STX8: variants seen among roughly 807,000 people sequenced by gnomAD.
The protein encoded by STX8 is syntaxin-8.
In STX8, 23 loss-of-function variants were observed where a neutral mutation model predicts 37.5. The observed-to-expected ratio is 0.61, with a 90% confidence interval of 0.44 to 0.87. The LOEUF is 0.87. STX8 is among the 40% of genes least tolerant of loss of function. The pLI is 0.00. For missense variants in STX8, 313 were observed against 284.7 expected (o/e 1.10, Z -0.71); for synonymous variants, 115 against 99.1 (o/e 1.16, Z -0.95).
intron 7 of STX8, among the ~76,000 whole-genome samples, chr17:9,267,684 A>G (rs186114691): frequency 7.2e-5 from 11 of 152,274 alleles, no homozygotes; most frequent in Admixed American, 5.2e-4. Context: ...CTGTATACCT[A>G]TATGTATAAA....
chr17:9,544,858 G>T (rs1906436229), intron 4 of STX8, among the ~76,000 whole-genome samples: 1 of 152,122 alleles, frequency 6.6e-6, no homozygotes. Context: ...CGGGCACGGT[G>T]GCGGTGGGCG....
chr17:9,378,341 CAAAA>C (rs1416104428), intron 7 of STX8: 5 of 483,870 alleles, frequency 1.0e-5, no homozygotes, highest in Non-Finnish European at 1.1e-5. Context: ...AAAACAACAA[CAAAA>C]AAACAATGAA....
At chr17:9,572,261 C>A (rs1331372346) in intron 1 of STX8, among the ~76,000 whole-genome samples, 2 of 152,144 alleles carry the variant, frequency 1.3e-5, no homozygotes, top group African/African-American at 2.4e-5. Flanking sequence ...TGTTAAACAG[C>A]GAGCTTACCA....
At chr17:9,481,688 T>G (rs1906493483) in intron 6 of STX8, among the ~76,000 whole-genome samples, 1 of 152,000 alleles carries the variant, frequency 6.6e-6, no homozygotes, top group African/African-American at 2.4e-5. Flanking sequence ...CCAACACCAG[T>G]CCATGGCCTG....
intron 7 of STX8, among the ~76,000 whole-genome samples, chr17:9,270,162 T>C (rs977317023): frequency 4.6e-5 from 7 of 152,224 alleles, no homozygotes; most frequent in African/African-American, 1.2e-4. Context: ...TTTTTGTTGA[T>C]TGGATAGCAG....
At chr17:9,547,774 TTTC>T (rs1249386571) in intron 3 of STX8, among the ~76,000 whole-genome samples, 1 of 125,034 alleles carries the variant, frequency 8.0e-6, no homozygotes, top group Admixed American at 7.3e-5. Flanking sequence ...TTCCTTTTCT[TTTC>T]TTTTCTTTTT....
intron 6 of STX8, among the ~76,000 whole-genome samples, chr17:9,410,836 T>C (rs946982719): frequency 2.6e-5 from 4 of 152,176 alleles, no homozygotes; most frequent in Non-Finnish European, 5.9e-5. Flanking sequence ...AAATGTAACA[T>C]ACGAAGAGAA....
intron 7 of STX8, among the ~76,000 whole-genome samples, chr17:9,339,090 A>G (rs1204204709): frequency 6.6e-6 from 1 of 151,646 alleles, no homozygotes; most frequent in Non-Finnish European, 1.5e-5. Context: ...AAAAAAAAAA[A>G]ATTCCAGGTG....
intron 6 of STX8, among the ~76,000 whole-genome samples, chr17:9,472,309 C>T (rs953041615): frequency 7.2e-5 from 11 of 152,308 alleles, no homozygotes; most frequent in Non-Finnish European, 1.3e-4. Context: ...ACTTTATCCA[C>T]GTCCATGAGT....
chr17:9,515,747 C>A (rs1905141439), intron 4 of STX8, among the ~76,000 whole-genome samples: 2 of 152,140 alleles, frequency 1.3e-5, no homozygotes, highest in African/African-American at 4.8e-5. Context: ...TAGTCTTGAA[C>A]TCCAGGGCTC....
chr17:9,272,317 G>C (rs17741348), intron 7 of STX8, among the ~76,000 whole-genome samples: 2 of 152,168 alleles, frequency 1.3e-5, no homozygotes, highest in East Asian at 3.8e-4. Context: ...ACAGAAGCCC[G>C]AGGAAATGCC....
chr17:9,516,342 T>TATATATATATATAC (rs1905160970), intron 4 of STX8, among the ~76,000 whole-genome samples: 1 of 118,108 alleles, frequency 8.5e-6, no homozygotes, highest in Non-Finnish European at 1.8e-5. Context: ...TATATATATA[T>TATATATATATATAC]AGACACCTGT....
chr17:9,504,072 C>T (rs1345697080), intron 5 of STX8, among the ~76,000 whole-genome samples: 1 of 147,408 alleles, frequency 6.8e-6, no homozygotes, highest in South Asian at 2.2e-4. Context: ...CCGACACATA[C>T]TAAGTTTTAA....
intron 7 of STX8, among the ~76,000 whole-genome samples, chr17:9,339,336 A>G (rs968725056): frequency 1.2e-4 from 18 of 152,136 alleles, no homozygotes; most frequent in Admixed American, 2.0e-4. Context: ...GAAAACTTCT[A>G]GGAACTTAAT....
Position 9,365,073 on chromosome 17 carries a change from G to C in STX8, c.643+13479C>G, listed in dbSNP as rs11078795. On this transcript the variant is annotated intron_variant, in intron 7 of 7. Coordinates refer to ENST00000306357, the MANE Select transcript of STX8 (RefSeq NM_004853.3). ...GAAGAGAAAAGAGAGTTCAGAGTTA[G>C]AACAAACAGGCCTGGCGTCTGCCTA... is the stretch of plus-strand genomic sequence containing the variant. Among the ~76,000 whole-genome samples the C allele has an allele frequency of 2.0e-5, 3 of 149,316 alleles. No individual in the cohort carries two copies. The East Asian group carries it at 5.8e-4, about 29-fold the overall frequency.
At chr17:9,297,241 CAAAAAAAAA>C (rs112089232) in intron 7 of STX8, among the ~76,000 whole-genome samples, 4 of 90,892 alleles carry the variant, frequency 4.4e-5, no homozygotes, top group African/African-American at 1.9e-4. Context: ...CCAGAGTTTG[CAAAAAAAAA>C]AAAAAAAGAA....
intron 7 of STX8, among the ~76,000 whole-genome samples, chr17:9,254,171 C>T (rs185388975): frequency 3.9e-5 from 6 of 152,296 alleles, no homozygotes; most frequent in East Asian, 1.9e-4. Flanking sequence ...CCGCACTCTG[C>T]GCGCTGTGTT....
chr17:9,321,373 T>C (rs1909571143), intron 7 of STX8, among the ~76,000 whole-genome samples: 1 of 151,746 alleles, frequency 6.6e-6, no homozygotes, highest in Non-Finnish European at 1.5e-5. Flanking sequence ...CTGCTAAAAC[T>C]ACAAAAATTA....
At chr17:9,462,511 CAGG>C (rs1905439009) in intron 6 of STX8, among the ~76,000 whole-genome samples, 1 of 152,120 alleles carries the variant, frequency 6.6e-6, no homozygotes, top group Non-Finnish European at 1.5e-5. Context: ...CACTTGAAAA[CAGG>C]AGTTTGAGAC....
Sources: allele counts gnomAD v4.1 joint callset (sites outside exome capture counted in the v4.1 genomes callset), GRCh38; gene constraint gnomAD v4.1.1; transcripts MANE v1.5; gene names NCBI Gene and HGNC (gene_info 2026-07-23, HGNC 2026-07-21).